UNC80: variants seen among roughly 807,000 people sequenced by gnomAD.
UNC80 encodes the protein protein unc-80 homolog.
In UNC80, 164 loss-of-function variants were observed where a neutral mutation model predicts 384.6. That is an observed-to-expected ratio of 0.43 (90% CI 0.38 to 0.49). The LOEUF (loss-of-function observed/expected upper bound fraction) is 0.49, where lower values mean the gene tolerates loss of function less well. Among genes scored for constraint, UNC80 ranks in the 20% least tolerant of loss-of-function variants. The pLI is 0.00. For missense variants in UNC80, 3,330 were observed against 4,143.0 expected, an observed-to-expected ratio of 0.80 and a Z score of 5.39; for synonymous variants, 1,486 against 1,527.8, an observed-to-expected ratio of 0.97 and a Z score of 0.64.
chr2:209,868,830 A>G (rs2084053018), intron 22 of UNC80, among the ~76,000 whole-genome samples: 1 of 152,224 alleles, frequency 6.6e-6, no homozygotes, highest in Admixed American at 6.5e-5. Flanking sequence ...GAAATTTCAT[A>G]GGTTCAATCT....
chr2:209,905,285 G>A (rs903913876), intron 29 of UNC80, among the ~76,000 whole-genome samples: 1 of 152,106 alleles, frequency 6.6e-6, no homozygotes, highest in African/African-American at 2.4e-5. Context: ...CCTAATCTCT[G>A]GAAATTGTGA....
In UNC80 at chr2:209,815,367, C is replaced by T. The variant is rs1224934164; in HGVS notation, c.1311C>T (p.Asp437=). Residue 437 remains aspartate (D), a synonymous_variant, in exon 9 of 65, where the codon GAC becomes GAT. Transcript: ENST00000673920. The stretch of plus-strand genomic sequence containing the variant: ...CTGCAGTCCCAGATCTTTCTTCAGA[C>T]CTGGGCATGAATATTTTTAAAAAGG... ...RRSAVPDLSS[D]LGMNIFKKFK... 1.9e-6 allele frequency: 3 copies of T among 1,551,262 alleles called. No individual in the cohort carries two copies. The highest frequency in any genetic ancestry group is 2.6e-6 in the Non-Finnish European group (3 of 1,146,866).
chr2:209,947,831 C>T (rs908420557), intron 47 of UNC80, among the ~76,000 whole-genome samples: 1 of 152,078 alleles, frequency 6.6e-6, no homozygotes, highest in African/African-American at 2.4e-5. Flanking sequence ...ACATAACTAC[C>T]ACTCAGATTG....
intron 21 of UNC80, among the ~76,000 whole-genome samples, chr2:209,847,422 A>AC (rs922008388): frequency 2.8e-4 from 42 of 152,046 alleles, no homozygotes; most frequent in African/African-American, 9.6e-4. Context: ...CTATATAAAT[A>AC]CAATGGAAAA....
chr2:209,774,920 T>C (rs1559069313), intron 2 of UNC80, among the ~76,000 whole-genome samples: 2 of 152,220 alleles, frequency 1.3e-5, no homozygotes, highest in South Asian at 4.1e-4. Flanking sequence ...CATATTAGGA[T>C]ACCTGTCTTT....
intron 5 of UNC80, among the ~76,000 whole-genome samples, chr2:209,787,139 TA>T (rs1373964996): frequency 9.0e-6 from 1 of 111,334 alleles, no homozygotes; most frequent in East Asian, 3.3e-4. Context: ...AACACATATA[TA>T]AAAACTACTA....
At chr2:209,867,454 A>G (rs1037375056) in intron 22 of UNC80, among the ~76,000 whole-genome samples, 2 of 152,014 alleles carry the variant, frequency 1.3e-5, no homozygotes, top group Non-Finnish European at 2.9e-5. Context: ...GGTGCTCCAA[A>G]CTTGTATGAG....
At chr2:209,809,923 G>GT (rs2079208474) in intron 7 of UNC80, among the ~76,000 whole-genome samples, 1 of 152,114 alleles carries the variant, frequency 6.6e-6, no homozygotes, top group South Asian at 2.1e-4. Context: ...GGATACAGCT[G>GT]TTTGAGCTAC....
chr2:209,977,059 G>A lies in UNC80; in HGVS notation c.8919G>A (p.Glu2973=), dbSNP rs903334602. Residue 2973 remains glutamate, a synonymous_variant, in exon 58 of 65, where the codon GAG becomes GAA. Transcript: ENST00000673920. ...EFNSELKILK[E]AVHSGSAYQG... ...ACAGTGAACTAAAAATTCTAAAAGA[G>A]GCAGTTCATAGTGGATCAGGTGAGT... The A allele has an allele frequency of 3.9e-6, 6 of 1,521,046 alleles. No individual in the cohort carries two copies. In the African/African-American group the frequency reaches 6.9e-5, roughly 17 times the overall value. The allele number at this position is 1,521,046 out of a possible 1,614,324, so 94.2% of individuals were successfully genotyped here.
In UNC80 at chr2:209,936,942, C is replaced by A; in HGVS notation, c.6363+9C>A. On this transcript the variant is annotated intron_variant, in intron 41 of 64. Transcript: ENST00000673920. The stretch of plus-strand genomic sequence containing the variant: ...TTATCCACTACAATAAGGTGAGACA[C>A]CAGTAGTGACATCCCCGTTGAGTTG... The A allele has an allele frequency of 1.3e-6, 2 of 1,517,480 alleles. No individual in the cohort carries two copies. Among genetic ancestry groups the A allele is most frequent in the Non-Finnish European group, 1.8e-6 (2 of 1,116,138 alleles). The allele number at this position is 1,517,480 out of a possible 1,614,324, so 94.0% of individuals were successfully genotyped here. A position where few individuals can be genotyped will look rare whatever the true frequency, so the allele number is the denominator to read the frequency against.
chr2:209,981,323 A>G (rs373800435), intron 59 of UNC80, among the ~76,000 whole-genome samples: 8 of 152,222 alleles, frequency 5.3e-5, no homozygotes, highest in East Asian at 3.8e-4. Context: ...CATGCCTGTA[A>G]TCCCAGCACT....
intron 18 of UNC80, among the ~76,000 whole-genome samples, chr2:209,838,276 C>G (rs2081484386): frequency 6.7e-6 from 1 of 148,876 alleles, no homozygotes; most frequent in Non-Finnish European, 1.5e-5. Flanking sequence ...CCCCGCACCC[C>G]TCATGAACTC....
At chr2:209,926,584 T>C (rs1388551741) in intron 35 of UNC80, among the ~76,000 whole-genome samples, 3 of 152,112 alleles carry the variant, frequency 2.0e-5, no homozygotes, top group Admixed American at 2.0e-4. Flanking sequence ...CAAGACCGAC[T>C]GGGGCAACAC....
intron 33 of UNC80, 24 bp from the exon 34 acceptor site, chr2:209,921,476 G>A (rs888458880): frequency 2.3e-5 from 35 of 1,530,224 alleles, no homozygotes; most frequent in Middle Eastern, 3.4e-4. Context: ...GCTATTAAAT[G>A]AACTTGCCTT....
rs1559461451 is a variant in UNC80, at chr2:209,996,663, G to A, written c.*1068G>A. ...TAGACACCTCCAGTTTATATATTTT[G>A]CAAATAGGCCTTTAACTTGAAGTTC... On this transcript the variant is annotated 3_prime_UTR_variant, in exon 65 of 65. Coordinates refer to ENST00000673920, the MANE Select transcript of UNC80 (RefSeq NM_001371986.1). 6.6e-6 allele frequency: 1 copy of A among 152,278 alleles called. No individual in the cohort carries two copies. The highest frequency in any genetic ancestry group is 1.9e-4 in the East Asian group (1 of 5,190). The allele number at this position is 152,278 out of a possible 1,614,324, so 9.4% of individuals were successfully genotyped here.
chr2:209,888,655 T>G (rs564302923), intron 26 of UNC80, among the ~76,000 whole-genome samples: 2 of 152,034 alleles, frequency 1.3e-5, no homozygotes, highest in Non-Finnish European at 2.9e-5. Flanking sequence ...TCACTCTGTC[T>G]CCCAGGCTGG....
intron 47 of UNC80, among the ~76,000 whole-genome samples, chr2:209,946,228 G>A (rs1023278204): frequency 1.3e-5 from 2 of 151,982 alleles, no homozygotes; most frequent in Non-Finnish European, 2.9e-5. Flanking sequence ...AATTAGCCAG[G>A]TGTGGTGTTG....
At chr2:209,808,231 G>A (rs577579717) in intron 7 of UNC80, among the ~76,000 whole-genome samples, 35 of 152,264 alleles carry the variant, frequency 2.3e-4, no homozygotes, top group African/African-American at 7.7e-4. Context: ...CACCGTCAGC[G>A]TATCTTCTCA....
rs565908697 is a variant in UNC80, at chr2:209,876,957, T to C, written c.3841-997T>C. ...CACTTAGAGAGCTTGAGCATGTTGG[T>C]TTTCAGTAGTAAGTATATTTTCTTA... On this transcript the variant is annotated intron_variant, in intron 23 of 64. Coordinates refer to ENST00000673920, the MANE Select transcript of UNC80 (RefSeq NM_001371986.1). Among the ~76,000 whole-genome samples, 342 of 152,298 alleles carry C rather than the reference T, an allele frequency of 2.2e-3. 3 individuals are homozygous for C. Among genetic ancestry groups the C allele is most frequent in the African/African-American group, 7.8e-3 (324 of 41,562 alleles).
Sources: gnomAD v4.1 joint callset for allele counts (sites outside exome capture counted in the v4.1 genomes callset) on GRCh38, gnomAD v4.1.1 for gene constraint, MANE v1.5 for transcripts, NCBI Gene and HGNC (gene_info 2026-07-23, HGNC 2026-07-21) for gene names.